Variants in STRIP2 observed in about 807,000 individuals in gnomAD.
STRIP2 encodes striatin-interacting protein 2.
A neutral mutation model predicts 107.1 loss-of-function variants in STRIP2; 84 were observed. The ratio of observed to expected loss-of-function variants is 0.78; its 90% confidence interval spans 0.66 to 0.94. The LOEUF is 0.94. Ranked by LOEUF, STRIP2 falls within the 40% of genes least tolerant of loss-of-function variation. The probability of loss-of-function intolerance (pLI) is 0.00; values close to 1 mark genes in which losing one functional copy is unlikely to be tolerated. For missense variants in STRIP2, 888 were observed against 1,034.2 expected (o/e 0.86, Z 1.94); for synonymous variants, 394 against 400.4 (o/e 0.98, Z 0.19).
chr7:129,444,760 C>T (rs2150989427), intron 3 of STRIP2, among the ~76,000 whole-genome samples: 1 of 152,188 alleles, frequency 6.6e-6, no homozygotes, highest in East Asian at 1.9e-4. Context: ...CAAAGGATAA[C>T]ATAAATATCC....
chr7:129,460,300 G>T lies in STRIP2; in HGVS notation c.1405-1G>T. The stretch of plus-strand genomic sequence containing the variant: ...TGTTGATGTCTTCTTATCTTTGTCA[G>T]CACAAGTATATCTCCATCGCAGATG... On this transcript the variant is annotated splice_acceptor_variant, in intron 12 of 20. Transcript: ENST00000249344. LOFTEE classifies it high-confidence loss of function. 6.2e-7 allele frequency: 1 copy of T among 1,613,286 alleles called. No individual in the cohort carries two copies. Among genetic ancestry groups the T allele is most frequent in the Non-Finnish European group, 8.5e-7 (1 of 1,179,650 alleles).
intron 18 of STRIP2, among the ~76,000 whole-genome samples, chr7:129,477,675 A>G (rs1562917709): frequency 6.6e-6 from 1 of 152,234 alleles, no homozygotes; most frequent in Non-Finnish European, 1.5e-5. Flanking sequence ...ATCTAGCAGT[A>G]ATTTATCAAA....
In STRIP2 at chr7:129,467,331, G is replaced by A; in HGVS notation, c.1777-19G>A. The A allele has an allele frequency of 1.3e-6, 2 of 1,586,462 alleles. No homozygotes were observed. The highest frequency in any genetic ancestry group is 1.7e-6 in the Non-Finnish European group (2 of 1,155,764). On this transcript the variant is annotated intron_variant, in intron 16 of 20. Transcript: ENST00000249344. ...CTCCTCCAAATAAGCAGCCCTTTCTGCTTTGATTTTTAATTCAGTTTGAAT... is the reference window on the plus strand; with the variant it reads ...CTCCTCCAAATAAGCAGCCCTTTCTACTTTGATTTTTAATTCAGTTTGAAT...
chr7:129,446,154 G>C (rs1484134878), intron 3 of STRIP2, among the ~76,000 whole-genome samples: 2 of 152,278 alleles, frequency 1.3e-5, no homozygotes, highest in Admixed American at 6.5e-5. Context: ...TGGCCACTTT[G>C]CTCATGGGCC....
chr7:129,457,387 T>C (rs1446094100), intron 9 of STRIP2, among the ~76,000 whole-genome samples: 3 of 152,196 alleles, frequency 2.0e-5, no homozygotes, highest in African/African-American at 7.2e-5. Context: ...AATACAGTAT[T>C]ATAATCTTAT....
chr7:129,461,153 T>C lies in STRIP2; in HGVS notation c.1476+781T>C, dbSNP rs1366657086. 6.6e-6 allele frequency among the ~76,000 whole-genome samples: 1 copy of C among 152,144 alleles called. No individual in the cohort carries two copies. Among genetic ancestry groups the C allele is most frequent in the East Asian group, 1.9e-4 (1 of 5,192 alleles). On this transcript the variant is annotated intron_variant, in intron 13 of 20. Coordinates refer to ENST00000249344, the MANE Select transcript of STRIP2 (RefSeq NM_020704.3). This position sits in a 1 kb window ranked among gnomAD's most constrained non-coding sequence, Gnocchi z 4.0. ...GACTTGCAGTGCATTTGGATGTGGA[T>C]AGAGAGGCAAAGAAAGGAATCAAGA...
At chr7:129,451,425 C>G (rs1015880042) in intron 3 of STRIP2, among the ~76,000 whole-genome samples, 188 bp from the exon 4 acceptor site, 6 of 152,186 alleles carry the variant, frequency 3.9e-5, no homozygotes, top group African/African-American at 1.4e-4. Flanking sequence ...AGGCTATAGA[C>G]TGGGTTCAGG....
Position 129,441,904 on chromosome 7 carries a change from C to G in STRIP2, c.199+1813C>G, listed in dbSNP as rs1486335560. ...GTGCTGGGACTACAGGTGTGAGCCA[C>G]CACACCTGGCCTCAACATGTTTCAG... On this transcript the variant is annotated intron_variant, in intron 2 of 20. Transcript: ENST00000249344. Among the ~76,000 whole-genome samples, 4 of 152,210 alleles carry G rather than the reference C, an allele frequency of 2.6e-5. No individual in the cohort carries two copies. In the East Asian group the frequency reaches 7.7e-4, roughly 29 times the overall value.
Position 129,483,477 on chromosome 7 carries a change from T to C in STRIP2, c.2254+431T>C, listed in dbSNP as rs1799178161. 1 of 312,678 alleles carries C rather than the reference T, an allele frequency of 3.2e-6. No individual in the cohort carries two copies. The highest frequency in any genetic ancestry group is 4.7e-6 in the Non-Finnish European group (1 of 212,506). The allele number at this position is 312,678 out of a possible 1,614,324, so 19.4% of individuals were successfully genotyped here. On this transcript the variant is annotated intron_variant, in intron 20 of 20. Transcript: ENST00000249344. The surrounding 1 kb of genome is among the most constrained non-coding windows in gnomAD (Gnocchi z 5.1). ...TTGCCACCATTAACATCTTATTGTATATTCCTCCAGATCTTTTTCTATGCA... is the reference window on the plus strand; with the variant it reads ...TTGCCACCATTAACATCTTATTGTACATTCCTCCAGATCTTTTTCTATGCA...
At chr7:129,435,274 C>T (rs1797703949) in intron 1 of STRIP2, among the ~76,000 whole-genome samples, 1 of 152,236 alleles carries the variant, frequency 6.6e-6, no homozygotes, top group African/African-American at 2.4e-5. Flanking sequence ...ATTTCGATCT[C>T]TTCCTCCTCT....
At chr7:129,435,527 C>G (rs542326251) in intron 1 of STRIP2, among the ~76,000 whole-genome samples, 1 of 152,266 alleles carries the variant, frequency 6.6e-6, no homozygotes, top group Admixed American at 6.5e-5. Flanking sequence ...GTCAAGAACA[C>G]CAGACTTTGG....
Position 129,464,020 on chromosome 7 carries a change from ATTTC to A in STRIP2, c.1552-20_1552-17del, listed in dbSNP as rs745486636. ...TGCTGAGTGGGTTTGACAGTGGTAA[ATTTC>A]TTTATTTTCTACTTCTCAGATCGCT... On this transcript the variant is annotated intron_variant, in intron 14 of 20. Coordinates refer to ENST00000249344, the MANE Select transcript of STRIP2 (RefSeq NM_020704.3). 1 of 1,601,386 alleles carries A rather than the reference ATTTC, an allele frequency of 6.2e-7. No individual in the cohort carries two copies. Among genetic ancestry groups the A allele is most frequent in the Admixed American group, 1.7e-5 (1 of 59,946 alleles).
intron 4 of STRIP2, 129 bp from the exon 5 acceptor site, chr7:129,453,098 C>A: frequency 7.3e-7 from 1 of 1,365,592 alleles, no homozygotes; most frequent in Non-Finnish European, 1.0e-6. Context: ...CTTGGGGCCC[C>A]TGTCATACCT....
chr7:129,470,546 G>C (rs1365666549), intron 17 of STRIP2, 103 bp from the exon 18 acceptor site: 1 of 953,584 alleles, frequency 1.0e-6, no homozygotes, highest in Non-Finnish European at 1.7e-6. Context: ...TTGGGAAATG[G>C]ATAGGGGCTG....
At chr7:129,437,141 T>G (rs966544867) in intron 1 of STRIP2, among the ~76,000 whole-genome samples, 2 of 152,248 alleles carry the variant, frequency 1.3e-5, no homozygotes, top group African/African-American at 4.8e-5. Flanking sequence ...GCTAAAATTT[T>G]TATTTTAAGA....
intron 13 of STRIP2, 21 bp from the exon 14 acceptor site, chr7:129,462,945 A>C: frequency 6.2e-7 from 1 of 1,610,602 alleles, no homozygotes; most frequent in Non-Finnish European, 8.5e-7. Flanking sequence ...GCATTGCCAA[A>C]CCATGTATTT....
chr7:129,451,815 T>C (rs1798202479), intron 4 of STRIP2, 68 bp downstream of exon 4: 1 of 1,586,672 alleles, frequency 6.3e-7, no homozygotes, highest in African/African-American at 1.3e-5. Context: ...TTATCAGGAC[T>C]GAGATGACGC....
rs1373577584 is a variant in STRIP2 at position 129,487,938 on chromosome 7, C to T, written c.*2109C>T. The T allele has an allele frequency of 1.3e-5, 2 of 152,198 alleles. No individual in the cohort carries two copies. The highest frequency in any genetic ancestry group is 2.9e-5 in the Non-Finnish European group (2 of 68,030). The allele number at this position is 152,198 out of a possible 1,614,324, so 9.4% of individuals were successfully genotyped here. A position where few individuals can be genotyped will look rare whatever the true frequency, so the allele number is the denominator to read the frequency against. On this transcript the variant is annotated 3_prime_UTR_variant, in exon 21 of 21. Coordinates refer to ENST00000249344, the MANE Select transcript of STRIP2 (RefSeq NM_020704.3). ...ACCCTTTTCTAAGGGAAGGTTACTT[C>T]TCAGTGCAGATGGAGAAACTGAAGC...
At chr7:129,479,887 G>A (rs1002685493) in intron 18 of STRIP2, among the ~76,000 whole-genome samples, 3 of 152,162 alleles carry the variant, frequency 2.0e-5, no homozygotes, top group Non-Finnish European at 4.4e-5. Flanking sequence ...AACTTTGGAT[G>A]TTCATTCCAC....
Sources: allele counts gnomAD v4.1 joint callset (sites outside exome capture counted in the v4.1 genomes callset), GRCh38; gene constraint gnomAD v4.1.1; non-coding constraint Gnocchi (gnomAD v3.1); transcripts MANE v1.5; gene names NCBI Gene and HGNC (gene_info 2026-07-23, HGNC 2026-07-21).